FOXK2: variants seen among roughly 807,000 people sequenced by gnomAD.
FOXK2 encodes the protein forkhead box K2.
FOXK2 carries 24 observed loss-of-function variants against 53.3 expected under a neutral mutation model. That is an observed-to-expected ratio of 0.45 (90% CI 0.33 to 0.63). FOXK2 has a LOEUF of 0.63. Ranked by LOEUF, FOXK2 falls within the 30% of genes least tolerant of loss-of-function variation. FOXK2 has a pLI of 0.03. For missense variants in FOXK2, 952 were observed against 910.5 expected (o/e 1.05, Z -0.59); for synonymous variants, 505 against 407.1 (o/e 1.24, Z -2.89).
Position 82,563,338 on chromosome 17 carries a change from G to A in FOXK2, c.420-16G>A, listed in dbSNP as rs1242920223. On this transcript the variant is annotated splice_polypyrimidine_tract_variant and intron_variant, in intron 1 of 8. Transcript: ENST00000335255. ...GGAACAGCAAAAGGTGCTGATGGTGGGCTTTTCTTTTCCAGGTGCACATTC... is the reference window on the plus strand; with the variant it reads ...GGAACAGCAAAAGGTGCTGATGGTGAGCTTTTCTTTTCCAGGTGCACATTC... The A allele has an allele frequency of 6.2e-7, 1 of 1,607,370 alleles. No individual in the cohort carries two copies. Among genetic ancestry groups the A allele is most frequent in the African/African-American group, 1.3e-5 (1 of 74,888 alleles).
intron 2 of FOXK2, among the ~76,000 whole-genome samples, chr17:82,564,377 G>C (rs900932174): frequency 1.3e-4 from 19 of 145,684 alleles, no homozygotes; most frequent in African/African-American, 4.6e-4. Flanking sequence ...ACAGCTGGCT[G>C]GTTTTTTTTT....
At chr17:82,530,386 A>G (rs981179246) in intron 1 of FOXK2, among the ~76,000 whole-genome samples, 2 of 137,222 alleles carry the variant, frequency 1.5e-5, no homozygotes, top group African/African-American at 5.3e-5. Context: ...GCTACTCGGG[A>G]GGCTAAGGCA....
chr17:82,564,671 T>A (rs992728914), intron 2 of FOXK2, among the ~76,000 whole-genome samples: 13 of 150,786 alleles, frequency 8.6e-5, no homozygotes, highest in Non-Finnish European at 1.8e-4. Context: ...ATTTTTTCTT[T>A]ATTTTTTTTT....
intron 4 of FOXK2, among the ~76,000 whole-genome samples, chr17:82,582,537 G>T (rs149902707): frequency 6.6e-6 from 1 of 152,058 alleles, no homozygotes; most frequent in Admixed American, 6.6e-5. Context: ...GGGTTTTCAC[G>T]CTTCCCCATA....
At chr17:82,562,581 T>TG (rs1555638834) in intron 1 of FOXK2, among the ~76,000 whole-genome samples, 1 of 143,058 alleles carries the variant, frequency 7.0e-6, no homozygotes, top group Non-Finnish European at 1.5e-5. Context: ...ACTCTGTTTC[T>TG]AAAAAAAAAA....
At chr17:82,588,426 TATTGGAGGGCAGGCG>T (rs2045217987) in intron 8 of FOXK2, 3 of 150,428 alleles carry the variant, frequency 2.0e-5, no homozygotes, top group African/African-American at 8.1e-5. Flanking sequence ...GAGGGCTGGC[TATTGGAGGGCAGGCG>T]GTTGGAGGGC....
At chr17:82,548,766 C>T (rs2044650274) in intron 1 of FOXK2, among the ~76,000 whole-genome samples, 2 of 152,334 alleles carry the variant, frequency 1.3e-5, no homozygotes, top group South Asian at 4.1e-4. Flanking sequence ...CTCCCGTGAC[C>T]TCACCCTGGG....
chr17:82,576,870 T>C, intron 4 of FOXK2: 1 of 511,824 alleles, frequency 2.0e-6, no homozygotes, highest in Non-Finnish European at 3.5e-6. Context: ...ACCAAAAAAA[T>C]GTATGCAGGC....
rs138820225 is a variant in FOXK2, at chr17:82,552,101, C to G, written c.420-11253C>G. 3.5e-3 allele frequency among the ~76,000 whole-genome samples: 537 copies of G among 152,348 alleles called. 4 individuals are homozygous for G. The highest frequency in any genetic ancestry group is 0.012 in the African/African-American group (514 of 41,592). Reference sequence around the variant, plus strand: ...AAACACTCTCCATGTCCGCACTCCCCTCGCGGTGGACCAAGGCACACGCTC... The same window carrying G: ...AAACACTCTCCATGTCCGCACTCCCGTCGCGGTGGACCAAGGCACACGCTC... On this transcript the variant is annotated intron_variant, in intron 1 of 8. Transcript: ENST00000335255.
At chr17:82,581,716 C>T (rs1171025018) in intron 4 of FOXK2, among the ~76,000 whole-genome samples, 1 of 152,092 alleles carries the variant, frequency 6.6e-6, no homozygotes, top group East Asian at 1.9e-4. Context: ...ACCTCGTGAT[C>T]CGCCCGCCTC....
intron 1 of FOXK2, among the ~76,000 whole-genome samples, chr17:82,520,936 T>C (rs2044355696): frequency 6.6e-6 from 1 of 152,202 alleles, no homozygotes; most frequent in South Asian, 2.1e-4. Context: ...TCGCATAACT[T>C]CTACAAAAAG....
At chr17:82,544,971 A>G (rs1041104747) in intron 1 of FOXK2, among the ~76,000 whole-genome samples, 4 of 148,220 alleles carry the variant, frequency 2.7e-5, no homozygotes, top group Admixed American at 2.7e-4. Context: ...AAAATAATTA[A>G]AAAAAAAAAA....
At chr17:82,522,363 T>C (rs916275208) in intron 1 of FOXK2, among the ~76,000 whole-genome samples, 9 of 148,012 alleles carry the variant, frequency 6.1e-5, no homozygotes, top group Non-Finnish European at 1.2e-4. Context: ...TTTGAGTTTT[T>C]TGGAATTTTT....
intron 1 of FOXK2, among the ~76,000 whole-genome samples, chr17:82,547,408 A>G (rs1169225057): frequency 6.7e-6 from 1 of 149,794 alleles, no homozygotes; most frequent in African/African-American, 2.4e-5. Flanking sequence ...AAGTTTATGA[A>G]TTTGTATTGG....
intron 1 of FOXK2, among the ~76,000 whole-genome samples, chr17:82,536,218 G>A (rs2044519350): frequency 6.6e-6 from 1 of 152,136 alleles, no homozygotes; most frequent in South Asian, 2.1e-4. Flanking sequence ...TAAGGCAGTT[G>A]TTTCAAAGTC....
At chr17:82,542,587 T>C (rs954656022) in intron 1 of FOXK2, among the ~76,000 whole-genome samples, 1 of 152,134 alleles carries the variant, frequency 6.6e-6, no homozygotes, top group Non-Finnish European at 1.5e-5. Flanking sequence ...CGTGAATTAC[T>C]GGGATTACAG....
rs753262330 is a variant in FOXK2, at chr17:82,571,753, G to A, written c.792G>A (p.Ala264=). ...ATTCAAAGCCGCCTTACTCCTACGC[G>A]CAGCTGATAGTTCAGGCGATTACGA... is the stretch of plus-strand genomic sequence containing the variant. The part of the protein sequence containing the change: ...KDDSKPPYSY[A]QLIVQAITMA... The change falls in exon 4 of 9, where the codon GCG becomes GCA. Residue 264 remains alanine, a synonymous_variant. Coordinates refer to ENST00000335255, the MANE Select transcript of FOXK2 (RefSeq NM_004514.4). 1.1e-5 allele frequency: 18 copies of A among 1,585,858 alleles called. No homozygotes were observed. The African/African-American group carries it at 1.5e-4, about 13-fold the overall frequency.
At chr17:82,597,023 G>A (rs1364428155) in intron 8 of FOXK2, among the ~76,000 whole-genome samples, 2 of 152,230 alleles carry the variant, frequency 1.3e-5, no homozygotes, top group Non-Finnish European at 2.9e-5. Flanking sequence ...GTGAGGGGCA[G>A]GGGCTGGTGA....
intron 2 of FOXK2, among the ~76,000 whole-genome samples, chr17:82,564,987 C>T (rs1297214951): frequency 6.6e-6 from 1 of 152,074 alleles, no homozygotes; most frequent in Non-Finnish European, 1.5e-5. Flanking sequence ...GCCTCGGCCT[C>T]CCAAAGTGCT....
Sources: allele counts gnomAD v4.1 joint callset (sites outside exome capture counted in the v4.1 genomes callset), GRCh38; gene constraint gnomAD v4.1.1; transcripts MANE v1.5; gene names NCBI Gene and HGNC (gene_info 2026-07-23, HGNC 2026-07-21).